The following PLD1 variants were observed in gnomAD, a reference collection of about 807,000 sequenced individuals.
PLD1 encodes the protein phospholipase D1.
PLD1 carries 112 observed loss-of-function variants against 137.1 expected under a neutral mutation model. That is an observed-to-expected ratio of 0.82 (90% confidence interval 0.70 to 0.96). PLD1 has a LOEUF of 0.96. Among genes scored for constraint, PLD1 ranks in the 40% least tolerant of loss-of-function variants. The probability of loss-of-function intolerance (pLI) is 0.00; values close to 1 mark genes in which losing one functional copy is unlikely to be tolerated. For synonymous variants in PLD1, 431 were observed against 454.7 expected, an observed-to-expected ratio of 0.95 and a Z score of 0.66; for missense variants, 1,321 against 1,342.0, an observed-to-expected ratio of 0.98 and a Z score of 0.24.
At chr3:171,660,161 A>G (rs957426046) in intron 20 of PLD1, among the ~76,000 whole-genome samples, 2 of 152,384 alleles carry the variant, frequency 1.3e-5, no homozygotes, top group African/African-American at 4.8e-5. Flanking sequence ...AGAGATATAT[A>G]TGTAACAACT....
chr3:171,606,729 A>C (rs141165123), intron 25 of PLD1, among the ~76,000 whole-genome samples: 1 of 152,334 alleles, frequency 6.6e-6, no homozygotes, highest in African/African-American at 2.4e-5. Flanking sequence ...ATGGCTGCAG[A>C]GTTTCCTATC....
intron 1 of PLD1, among the ~76,000 whole-genome samples, chr3:171,798,087 C>T (rs925469601): frequency 2.0e-5 from 3 of 152,096 alleles, no homozygotes; most frequent in East Asian, 1.9e-4. Context: ...CAGGTAACAC[C>T]GCTACTTAAG....
chr3:171,778,660 C>T (rs1722669262), intron 1 of PLD1, among the ~76,000 whole-genome samples: 1 of 152,188 alleles, frequency 6.6e-6, no homozygotes, highest in African/African-American at 2.4e-5. Context: ...CCAATACAAA[C>T]TTGGCGTGTT....
intron 20 of PLD1, among the ~76,000 whole-genome samples, chr3:171,659,694 T>G (rs1314453502): frequency 2.0e-5 from 3 of 152,226 alleles, no homozygotes; most frequent in Non-Finnish European, 4.4e-5. Flanking sequence ...TGGCAAACAT[T>G]CTATCTCATG....
chr3:171,785,991 A>G (rs1213471759), intron 1 of PLD1, among the ~76,000 whole-genome samples: 1 of 152,246 alleles, frequency 6.6e-6, no homozygotes, highest in Non-Finnish European at 1.5e-5. Context: ...GAGGGGTTCA[A>G]TAACTGCCAG....
intron 4 of PLD1, among the ~76,000 whole-genome samples, 167 bp from the exon 5 acceptor site, chr3:171,735,137 T>A (rs1560262876): frequency 6.6e-6 from 1 of 152,210 alleles, no homozygotes; most frequent in Non-Finnish European, 1.5e-5. Flanking sequence ...ACTTTTTATT[T>A]ATTTATTTTA....
intron 8 of PLD1, among the ~76,000 whole-genome samples, chr3:171,724,384 A>G (rs1718352623): frequency 6.6e-6 from 1 of 152,116 alleles, no homozygotes; most frequent in Non-Finnish European, 1.5e-5. Flanking sequence ...TTTGACTTAC[A>G]TTTCCATAAT....
rs150051878 is a variant in PLD1, at chr3:171,696,606, T to C, written c.1227+3139A>G. Among the ~76,000 whole-genome samples the C allele has an allele frequency of 4.5e-3, 685 of 152,262 alleles. 2 individuals are homozygous for C. Among genetic ancestry groups the C allele is most frequent in the African/African-American group, 0.016 (656 of 41,550 alleles). ...GACCTGTTAATGCAAAAAACAAATATTATGTTTCAACCTCATACTTTGCAA... is the reference window on the plus strand; with the variant it reads ...GACCTGTTAATGCAAAAAACAAATACTATGTTTCAACCTCATACTTTGCAA... On this transcript the variant is annotated intron_variant, in intron 12 of 26. Transcript: ENST00000351298.
chr3:171,676,957 C>T, intron 17 of PLD1, 124 bp from the exon 18 acceptor site: 1 of 624,132 alleles, frequency 1.6e-6, no homozygotes, highest in South Asian at 2.0e-5. Context: ...TATTTCTTGG[C>T]TTGCATAGAA....
chr3:171,654,133 T>C (rs1231508766), intron 21 of PLD1: 2 of 361,644 alleles, frequency 5.5e-6, no homozygotes, highest in Non-Finnish European at 5.5e-6. Context: ...AAACCCCGTC[T>C]CCACCAAAAA....
intron 23 of PLD1, among the ~76,000 whole-genome samples, chr3:171,635,635 A>G (rs1323996868): frequency 1.3e-5 from 2 of 152,032 alleles, no homozygotes; most frequent in African/African-American, 4.8e-5. Context: ...TTTATTACTG[A>G]ATTGTAGGAA....
intron 1 of PLD1, among the ~76,000 whole-genome samples, chr3:171,744,074 C>T (rs1277738407): frequency 3.3e-5 from 5 of 152,204 alleles, no homozygotes; most frequent in Non-Finnish European, 5.9e-5. Flanking sequence ...TGGCTGCCAA[C>T]GCAATCACAG....
chr3:171,639,613 A>C lies in PLD1; in HGVS notation c.2593+3227T>G, dbSNP rs1253297060. Among the ~76,000 whole-genome samples, 7 of 70,782 alleles carry C rather than the reference A, an allele frequency of 9.9e-5. No individual in the cohort carries two copies. In the South Asian group the frequency reaches 1.2e-3, roughly 13 times the overall value. The allele number at this position is 70,782 out of a possible 152,430, so 46.4% of individuals were successfully genotyped here. A position where few individuals can be genotyped will look rare whatever the true frequency, so the allele number is the denominator to read the frequency against. Reference sequence around the variant, plus strand: ...AATATATATTCATATAATATATATTATATATAATATATATTCTATATAATA... The same window carrying C: ...AATATATATTCATATAATATATATTCTATATAATATATATTCTATATAATA... On this transcript the variant is annotated intron_variant, in intron 23 of 26. Coordinates refer to ENST00000351298, the MANE Select transcript of PLD1 (RefSeq NM_002662.5).
At chr3:171,773,709 C>T (rs929952970) in intron 1 of PLD1, among the ~76,000 whole-genome samples, 4 of 152,164 alleles carry the variant, frequency 2.6e-5, no homozygotes, top group Admixed American at 2.6e-4. Context: ...TAAGTACCAA[C>T]TCATTTAAAC....
At chr3:171,767,119 C>T (rs1279364961) in intron 1 of PLD1, among the ~76,000 whole-genome samples, 1 of 152,178 alleles carries the variant, frequency 6.6e-6, no homozygotes, top group Non-Finnish European at 1.5e-5. Context: ...TAAAACTAAA[C>T]AATCAGAAAA....
chr3:171,720,525 G>A (rs1412337138), intron 8 of PLD1, among the ~76,000 whole-genome samples: 2 of 151,654 alleles, frequency 1.3e-5, no homozygotes, highest in Non-Finnish European at 2.9e-5. Flanking sequence ...GGAGCTTGCA[G>A]TGAGCGGAGA....
At chr3:171,683,672 C>T (rs754094794) in intron 16 of PLD1, among the ~76,000 whole-genome samples, 1 of 152,200 alleles carries the variant, frequency 6.6e-6, no homozygotes, top group Non-Finnish European at 1.5e-5. Context: ...TCATGCTCAA[C>T]TATTCTCCGT....
intron 1 of PLD1, among the ~76,000 whole-genome samples, chr3:171,794,645 G>A (rs950606745): frequency 2.7e-5 from 4 of 150,764 alleles, no homozygotes; most frequent in African/African-American, 9.8e-5. Flanking sequence ...TAGTTACATC[G>A]TGAATAAAAC....
chr3:171,627,556 AT>A (rs200279854), intron 23 of PLD1, among the ~76,000 whole-genome samples: 76,920 of 151,252 alleles, frequency 0.51, 20,593 homozygotes, highest in African/African-American at 0.68. Flanking sequence ...CAGAATATAC[AT>A]TTTTTTTCAG....
Sources: allele counts gnomAD v4.1 joint callset (sites outside exome capture counted in the v4.1 genomes callset), GRCh38; gene constraint gnomAD v4.1.1; transcripts MANE v1.5; gene names NCBI Gene and HGNC (gene_info 2026-07-23, HGNC 2026-07-21).